LIPA: variants seen among roughly 807,000 people sequenced by gnomAD.
The protein encoded by LIPA is lysosomal acid lipase/cholesteryl ester hydrolase.
A neutral mutation model predicts 40.6 loss-of-function variants in LIPA; 26 were observed. That is an observed-to-expected ratio of 0.64 (90% CI 0.47 to 0.89). The LOEUF is 0.89. LIPA is among the 40% of genes least tolerant of loss of function. LIPA has a pLI of 0.00. For synonymous variants in LIPA, 188 were observed against 168.4 expected (o/e 1.12, Z -0.90); for missense variants, 455 against 479.6 (o/e 0.95, Z 0.48).
chr10:89,229,752 C>CA (rs11388104), intron 3 of LIPA, among the ~76,000 whole-genome samples: 58,196 of 115,420 alleles, frequency 0.5, 13,086 homozygotes, highest in Non-Finnish European at 0.53. Context: ...GACTCAGTCT[C>CA]AAAAAAAAAA....
intron 1 of LIPA, chr10:89,306,229 C>T: frequency 6.2e-7 from 1 of 1,614,164 alleles, no homozygotes; most frequent in Admixed American, 1.7e-5. Flanking sequence ...AGGCAGAAAT[C>T]AGAAGTCTGG....
At chr10:89,387,343 T>C (rs1198911819) in intron 2 of LIPA, among the ~76,000 whole-genome samples, 1 of 151,726 alleles carries the variant, frequency 6.6e-6, no homozygotes, top group Non-Finnish European at 1.5e-5. Context: ...AAAATCTATT[T>C]TAACAACATC....
At position 89,228,152 on chromosome 10, in the gene LIPA, T is replaced by C. The variant is rs770497719; in HGVS notation, c.428+48A>G. 3.9e-6 allele frequency: 6 copies of C among 1,523,506 alleles called. No homozygotes were observed. The South Asian group carries it at 6.7e-5, about 17-fold the overall frequency. The allele number at this position is 1,523,506 out of a possible 1,614,324, so 94.4% of individuals were successfully genotyped here. A position where few individuals can be genotyped will look rare whatever the true frequency, so the allele number is the denominator to read the frequency against. On this transcript the variant is annotated intron_variant, in intron 4 of 9. Transcript: ENST00000336233. ...TCTGCTGGAAGCCTGTTGTCTGCTTTAAGAGTACTAAGGAAATACATCCAT... is the reference window on the plus strand; with the variant it reads ...TCTGCTGGAAGCCTGTTGTCTGCTTCAAGAGTACTAAGGAAATACATCCAT...
intron 1 of LIPA, among the ~76,000 whole-genome samples, chr10:89,268,744 T>C (rs2133491204): frequency 6.6e-6 from 1 of 152,292 alleles, no homozygotes; most frequent in Admixed American, 6.5e-5. Flanking sequence ...CCCAGCACTT[T>C]GGGATGCTGA....
intron 2 of LIPA, among the ~76,000 whole-genome samples, chr10:89,410,965 G>A (rs1841465344): frequency 6.6e-6 from 1 of 152,248 alleles, no homozygotes; most frequent in African/African-American, 2.4e-5. Flanking sequence ...GTCAAAGAGA[G>A]AGATAGAAGT....
intron 1 of LIPA, among the ~76,000 whole-genome samples, chr10:89,291,377 A>G (rs10128132): frequency 0.02 from 3,043 of 152,206 alleles, 44 homozygotes; most frequent in African/African-American, 0.035. Context: ...CCTATTTCCC[A>G]GTCTCCAGAG....
intron 1 of LIPA, among the ~76,000 whole-genome samples, chr10:89,288,060 G>A (rs1843351201): frequency 6.6e-6 from 1 of 152,152 alleles, no homozygotes; most frequent in Non-Finnish European, 1.5e-5. Flanking sequence ...TACCTGGGCT[G>A]TACTGCTGCA....
chr10:89,248,005 C>T (rs931299132), intron 1 of LIPA, among the ~76,000 whole-genome samples: 60 of 151,488 alleles, frequency 4.0e-4, no homozygotes, highest in Non-Finnish European at 5.9e-5. Flanking sequence ...GTAGCTGGGA[C>T]AACAGGCACG....
chr10:89,393,441 C>A, intron 2 of LIPA: 1 of 592,910 alleles, frequency 1.7e-6, no homozygotes, highest in Non-Finnish European at 2.5e-6. Flanking sequence ...GATTTAAAAA[C>A]CATTACTTAG....
At chr10:89,342,934 A>G (rs1462783735), upstream of LIPA, among the ~76,000 whole-genome samples, 1 of 152,222 alleles carries the variant, frequency 6.6e-6, no homozygotes, top group African/African-American at 2.4e-5. Context: ...GCTGGTGAGA[A>G]GCAGGAAATA....
At chr10:89,374,337 A>G (rs1402111795) in intron 2 of LIPA, among the ~76,000 whole-genome samples, 1 of 150,390 alleles carries the variant, frequency 6.6e-6, no homozygotes, top group African/African-American at 2.5e-5. Context: ...ACACAGACAC[A>G]CACACACTCT....
rs1201252545 is a variant in LIPA at position 89,376,877 on chromosome 10, G to C, written c.61+35914C>G. ...ATGGGAGCCTGGGAAATATAGTCTAGTTACAGGCCCAGGACAAAGAAGAAA... is the reference window on the plus strand; with the variant it reads ...ATGGGAGCCTGGGAAATATAGTCTACTTACAGGCCCAGGACAAAGAAGAAA... On this transcript the variant is annotated intron_variant, in intron 2 of 8. Transcript: ENST00000371837. Among the ~76,000 whole-genome samples, 5 of 152,162 alleles carry C rather than the reference G, an allele frequency of 3.3e-5. No individual in the cohort carries two copies. The East Asian group carries it at 7.7e-4, about 23-fold the overall frequency.
chr10:89,292,783 C>G (rs10887939), intron 1 of LIPA, among the ~76,000 whole-genome samples: 116,737 of 151,838 alleles, frequency 0.77, 46,211 homozygotes, highest in East Asian at 0.99. Context: ...GTAGCTAGGA[C>G]GACAGGCTCA....
At chr10:89,219,197 C>T (rs1842665729) in intron 8 of LIPA, among the ~76,000 whole-genome samples, 1 of 151,988 alleles carries the variant, frequency 6.6e-6, no homozygotes, top group Non-Finnish European at 1.5e-5. Flanking sequence ...ACATCGTAAT[C>T]ATCTAAGGCA....
chr10:89,270,571 GAA>G (rs1202059922), intron 1 of LIPA, among the ~76,000 whole-genome samples: 1 of 152,142 alleles, frequency 6.6e-6, no homozygotes, highest in Non-Finnish European at 1.5e-5. Context: ...TTCTACCACT[GAA>G]AAAGAGGCAC....
At chr10:89,348,739 T>A (rs1203432068) in intron 2 of LIPA, among the ~76,000 whole-genome samples, 1 of 152,226 alleles carries the variant, frequency 6.6e-6, no homozygotes, top group Non-Finnish European at 1.5e-5. Context: ...AACTTACTTC[T>A]CAGGGCCCGG....
chr10:89,282,275 C>T (rs1445866732), intron 1 of LIPA, among the ~76,000 whole-genome samples: 1 of 152,162 alleles, frequency 6.6e-6, no homozygotes, highest in Admixed American at 6.6e-5. Flanking sequence ...TATCTAATAT[C>T]ACAAACAGTT....
intron 1 of LIPA, among the ~76,000 whole-genome samples, chr10:89,270,485 T>C (rs1405264059): frequency 6.6e-6 from 1 of 152,222 alleles, no homozygotes; most frequent in Non-Finnish European, 1.5e-5. Flanking sequence ...CTTATTGCAA[T>C]TTCCAGAAGT....
At chr10:89,301,999 G>T in intron 1 of LIPA, 1 of 942,896 alleles carries the variant, frequency 1.1e-6, no homozygotes, top group Non-Finnish European at 1.6e-6. Flanking sequence ...AAACAAAAAG[G>T]AACCAGAGGC....
Sources: gnomAD v4.1 joint callset for allele counts (sites outside exome capture counted in the v4.1 genomes callset) on GRCh38, gnomAD v4.1.1 for gene constraint, MANE v1.5 for transcripts, NCBI Gene and HGNC (gene_info 2026-07-23, HGNC 2026-07-21) for gene names.